Variants in TRABD2B observed in about 807,000 individuals in gnomAD.
TRABD2B encodes metalloprotease TIKI2.
In TRABD2B, 14 loss-of-function variants were observed where a neutral mutation model predicts 40.1. The ratio of observed to expected loss-of-function variants is 0.35; its 90% CI spans 0.23 to 0.55. The LOEUF (loss-of-function observed/expected upper bound fraction) is 0.55. Among genes scored for constraint, TRABD2B ranks in the 20% least tolerant of loss-of-function variants. The pLI is 0.90. For missense variants in TRABD2B, 541 were observed against 648.6 expected (o/e 0.83, Z 1.80); for synonymous variants, 263 against 277.0 (o/e 0.95, Z 0.50).
intron 2 of TRABD2B, among the ~76,000 whole-genome samples, chr1:47,930,110 T>A (rs566470741): frequency 6.6e-6 from 1 of 152,142 alleles, no homozygotes; most frequent in African/African-American, 2.4e-5. Flanking sequence ...GTGGAGGCTG[T>A]GGGGAACAGC....
chr1:47,897,220 G>C (rs1408655012), intron 2 of TRABD2B, among the ~76,000 whole-genome samples: 1 of 152,148 alleles, frequency 6.6e-6, no homozygotes, highest in African/African-American at 2.4e-5. Context: ...ATGAGGGACA[G>C]CAAAGACCCT....
At chr1:47,955,990 G>C (rs1426670942) in intron 2 of TRABD2B, among the ~76,000 whole-genome samples, 3 of 152,204 alleles carry the variant, frequency 2.0e-5, no homozygotes, top group East Asian at 3.9e-4. Context: ...TACCTAGTTG[G>C]CTTCTGACTG....
At chr1:47,919,333 T>C (rs1177430408) in intron 2 of TRABD2B, among the ~76,000 whole-genome samples, 1 of 152,228 alleles carries the variant, frequency 6.6e-6, no homozygotes, top group Non-Finnish European at 1.5e-5. Flanking sequence ...TGGTGAGCTA[T>C]CCAAGGAGAC....
intron 4 of TRABD2B, among the ~76,000 whole-genome samples, chr1:47,788,405 T>C (rs903783154): frequency 6.6e-5 from 10 of 152,214 alleles, no homozygotes; most frequent in Admixed American, 3.3e-4. Context: ...CAGGCTGGCA[T>C]GAGCCTGGGG....
At chr1:47,775,099 G>A (rs1193232215) in intron 6 of TRABD2B, 71 bp downstream of exon 6, 2 of 1,221,882 alleles carry the variant, frequency 1.6e-6, no homozygotes. Flanking sequence ...GCCCAGCTGT[G>A]GGGGGTTCAG....
chr1:47,858,639 A>G (rs1275630110), intron 2 of TRABD2B, among the ~76,000 whole-genome samples: 1 of 152,232 alleles, frequency 6.6e-6, no homozygotes, highest in African/African-American at 2.4e-5. Flanking sequence ...AGCAAAGGGA[A>G]GTGACTTCCA....
chr1:47,857,873 T>C (rs1643910426), intron 2 of TRABD2B, among the ~76,000 whole-genome samples: 3 of 151,234 alleles, frequency 2.0e-5, no homozygotes, highest in Admixed American at 2.0e-4. Flanking sequence ...TTTTGTATCT[T>C]AGTTAATACG....
At chr1:47,930,491 C>T (rs938776817) in intron 2 of TRABD2B, among the ~76,000 whole-genome samples, 5 of 151,990 alleles carry the variant, frequency 3.3e-5, no homozygotes, top group Admixed American at 1.3e-4. Flanking sequence ...GCTACGAGTC[C>T]GCGATAGTAA....
rs78676519 is a variant in TRABD2B, at chr1:47,794,433, G to A, written c.988+153C>T. Among the ~76,000 whole-genome samples, 2,314 of 152,294 alleles carry A rather than the reference G, an allele frequency of 0.015. 86 individuals are homozygous for A. The highest frequency in any genetic ancestry group is 0.089 in the Admixed American group (1,360 of 15,292). The stretch of plus-strand genomic sequence containing the variant: ...ACCCTTGACCCGAATCAGGAGAACT[G>A]CCTTGGATCTCGGTGCTGCTGCTAA... On this transcript the variant is annotated intron_variant, in intron 4 of 6. Coordinates refer to ENST00000606738, the MANE Select transcript of TRABD2B (RefSeq NM_001194986.2).
rs12409884 is a variant in TRABD2B, at chr1:47,862,225, G to A, written c.667-60606C>T. 6.5e-3 allele frequency among the ~76,000 whole-genome samples: 988 copies of A among 152,174 alleles called. 4 individuals carry two copies. Among genetic ancestry groups the A allele is most frequent in the Non-Finnish European group, 9.2e-3 (625 of 67,988 alleles). ...TGTCTTATAATTCCTTTTCAACACC[G>A]TACTGGAAGTCCTAGCTAATGTAAT... On this transcript the variant is annotated intron_variant, in intron 2 of 6. Coordinates refer to ENST00000606738, the MANE Select transcript of TRABD2B (RefSeq NM_001194986.2).
At chr1:47,820,691 T>C (rs1394695017) in intron 2 of TRABD2B, among the ~76,000 whole-genome samples, 1 of 151,964 alleles carries the variant, frequency 6.6e-6, no homozygotes, top group East Asian at 2.0e-4. Flanking sequence ...CTTTCCCCTG[T>C]TGGTCTCATG....
intron 2 of TRABD2B, among the ~76,000 whole-genome samples, chr1:47,901,601 A>T (rs529602019): frequency 4.6e-5 from 7 of 152,222 alleles, no homozygotes; most frequent in Non-Finnish European, 1.0e-4. Context: ...AGAGCTGAAC[A>T]AGACGTAGCC....
intron 2 of TRABD2B, among the ~76,000 whole-genome samples, chr1:47,960,721 C>T (rs1386626295): frequency 1.3e-5 from 2 of 152,150 alleles, no homozygotes; most frequent in Non-Finnish European, 2.9e-5. Flanking sequence ...AGGACCCAAA[C>T]AAACAGAAGA....
Position 47,775,222 on chromosome 1 carries a change from T to C in TRABD2B, c.1297A>G (p.Thr433Ala). The change falls in exon 6 of 7, where the codon ACA becomes GCA. Residue 433 changes from threonine to alanine, a missense_variant. Thr to Ala is a moderately conservative substitution (Grantham distance 58, BLOSUM62 0). Transcript: ENST00000606738. ...TTGAACTGCCGCGGCCGCTGGTGTGTGCTCTGCCTCTTGTGCCACTTCCTC... is the reference window on the plus strand; with the variant it reads ...TTGAACTGCCGCGGCCGCTGGTGTGCGCTCTGCCTCTTGTGCCACTTCCTC... ...RQRKWHKRQS[T>A]HQRPRQFNDL... 1.6e-6 allele frequency: 2 copies of C among 1,246,854 alleles called. No individual in the cohort carries two copies. The highest frequency in any genetic ancestry group is 2.0e-6 in the Non-Finnish European group (2 of 994,540). 77.2% of individuals were successfully genotyped at this position (1,246,854 alleles called of 1,614,324 possible).
At chr1:47,809,689 A>G (rs935448207) in intron 2 of TRABD2B, among the ~76,000 whole-genome samples, 4 of 152,184 alleles carry the variant, frequency 2.6e-5, no homozygotes, top group Admixed American at 6.5e-5. Context: ...CTTCCTGTTC[A>G]GTATTCCGAG....
At chr1:47,944,356 C>T (rs1023190579) in intron 2 of TRABD2B, among the ~76,000 whole-genome samples, 2 of 152,074 alleles carry the variant, frequency 1.3e-5, no homozygotes, top group Non-Finnish European at 2.9e-5. Context: ...AATTCAGAGC[C>T]AGTGGAGAAT....
In TRABD2B at chr1:47,925,841, A is replaced by G. The variant is rs545845216; in HGVS notation, c.666+68193T>C. Among the ~76,000 whole-genome samples the G allele has an allele frequency of 2.0e-5, 3 of 152,362 alleles. No homozygotes were observed. In the South Asian group the frequency reaches 6.2e-4, roughly 32 times the overall value. ...ACAGAGACAAGAAAGAAATGTCTGAAAAGTCTAAGCTGCCATGGTGCAGGA... is the reference window on the plus strand; with the variant it reads ...ACAGAGACAAGAAAGAAATGTCTGAGAAGTCTAAGCTGCCATGGTGCAGGA... On this transcript the variant is annotated intron_variant, in intron 2 of 6. Coordinates refer to ENST00000606738, the MANE Select transcript of TRABD2B (RefSeq NM_001194986.2).
At chr1:47,860,677 C>A (rs1643953731) in intron 2 of TRABD2B, among the ~76,000 whole-genome samples, 1 of 152,132 alleles carries the variant, frequency 6.6e-6, no homozygotes, top group Non-Finnish European at 1.5e-5. Flanking sequence ...GCCAGTGTGG[C>A]AGTATTGGGA....
At chr1:47,799,934 G>C (rs1456745219) in intron 3 of TRABD2B, among the ~76,000 whole-genome samples, 1 of 152,096 alleles carries the variant, frequency 6.6e-6, no homozygotes, top group African/African-American at 2.4e-5. Flanking sequence ...ATTCATTCTC[G>C]AATGTCCCCA....
Sources: gnomAD v4.1 joint callset for allele counts (sites outside exome capture counted in the v4.1 genomes callset) on GRCh38, gnomAD v4.1.1 for gene constraint, MANE v1.5 for transcripts, NCBI Gene and HGNC (gene_info 2026-07-23, HGNC 2026-07-21) for gene names.